THOC2: variants seen among roughly 807,000 people sequenced by gnomAD.
THOC2 encodes the protein THO complex subunit 2.
THOC2 carries 10 observed loss-of-function variants against 128.4 expected under a neutral mutation model. The ratio of observed to expected loss-of-function variants is 0.08; its 90% confidence interval spans 0.05 to 0.13. The LOEUF is 0.13. Among genes scored for constraint, THOC2 ranks in the 10% least tolerant of loss-of-function variants. THOC2 has a pLI of 1.00. For missense variants in THOC2, 535 were observed against 1,155.7 expected, an observed-to-expected ratio of 0.46 and a Z score of 7.79; for synonymous variants, 393 against 396.9, an observed-to-expected ratio of 0.99 and a Z score of 0.12.
chrX:123,693,153 C>T (rs2050298691), intron 7 of THOC2, among the ~76,000 whole-genome samples: 1 of 112,388 alleles, frequency 8.9e-6, no homozygotes, highest in Non-Finnish European at 1.9e-5. Context: ...CCTCTATTTT[C>T]ACATCAATGA....
At chrX:123,697,639 A>T in intron 5 of THOC2, 42 bp downstream of exon 5, 1 of 679,826 alleles carries the variant, frequency 1.5e-6, no homozygotes, top group Non-Finnish European at 2.2e-6. Context: ...ACAACTGTTT[A>T]ATGCAGATTT....
chrX:123,708,510 C>G (rs1230612028), intron 2 of THOC2, among the ~76,000 whole-genome samples: 1 of 102,419 alleles, frequency 9.8e-6, no homozygotes, highest in Non-Finnish European at 2.0e-5. Context: ...GTTTTTTTGG[C>G]TTTTTTTTTT....
In THOC2 at chrX:123,626,083, A is replaced by G; in HGVS notation, c.2900-14T>C. On this transcript the variant is annotated splice_polypyrimidine_tract_variant and intron_variant, in intron 24 of 38. Transcript: ENST00000245838. ...TTTTGGTAGATTCTAAAAATAAAGG[A>G]AGAATATATTAAGTGGTAAACTTCT... 5 of 1,154,177 alleles carry G rather than the reference A, an allele frequency of 4.3e-6. No homozygotes were observed. The highest frequency in any genetic ancestry group is 5.9e-6 in the Non-Finnish European group (5 of 848,646).
chrX:123,617,675 A>G (rs925357918), intron 33 of THOC2, among the ~76,000 whole-genome samples: 4 of 111,921 alleles, frequency 3.6e-5, no homozygotes, highest in African/African-American at 1.3e-4. Flanking sequence ...GATAGTACAT[A>G]TATTCAAAAG....
At chrX:123,647,592 T>A (rs767452968) in intron 12 of THOC2, among the ~76,000 whole-genome samples, 2 of 110,668 alleles carry the variant, frequency 1.8e-5, no homozygotes, top group East Asian at 5.7e-4. Context: ...TCCAAGCACT[T>A]TGGGAAGCTG....
At chrX:123,631,663 C>T (rs779127848) in intron 22 of THOC2, 25 bp downstream of exon 22, 16 of 1,195,037 alleles carry the variant, frequency 1.3e-5, no homozygotes, top group Non-Finnish European at 1.7e-5. Context: ...CGTTCTTGAG[C>T]GGCAGCAAAG....
intron 38 of THOC2, among the ~76,000 whole-genome samples, chrX:123,607,343 A>T (rs1387612901): frequency 9.0e-6 from 1 of 111,488 alleles, no homozygotes; most frequent in Non-Finnish European, 1.9e-5. Context: ...TGGCATAATC[A>T]TGACTTACTG....
intron 38 of THOC2, chrX:123,603,050 T>C (rs746644785): frequency 1.8e-5 from 2 of 108,706 alleles, no homozygotes; most frequent in Admixed American, 9.9e-5. Context: ...TGATGTTATA[T>C]GAATTTTATC....
chrX:123,625,572 C>T lies in THOC2; in HGVS notation c.3057+340G>A, dbSNP rs1485799297. On this transcript the variant is annotated intron_variant, in intron 25 of 38. Coordinates refer to ENST00000245838, the MANE Select transcript of THOC2 (RefSeq NM_001081550.2). Reference sequence around the variant, plus strand: ...GTTAAGAATGGAGAAGAGAGTTCTACCTATTATGATACAACACGTAAACTC... The same window carrying T: ...GTTAAGAATGGAGAAGAGAGTTCTATCTATTATGATACAACACGTAAACTC... Among the ~76,000 whole-genome samples, 4 of 106,716 alleles carry T rather than the reference C, an allele frequency of 3.7e-5. No homozygotes were observed. In the East Asian group the frequency reaches 1.2e-3, roughly 31 times the overall value. 92.7% of individuals were successfully genotyped at this position (106,716 alleles called of 115,157 possible).
chrX:123,654,329 A>G (rs773259267), intron 12 of THOC2, among the ~76,000 whole-genome samples: 1 of 109,329 alleles, frequency 9.1e-6, no homozygotes, highest in African/African-American at 3.3e-5. Context: ...GGGTGCAGCA[A>G]ACCACCATGG....
chrX:123,637,219 C>T (rs977873133), intron 18 of THOC2, among the ~76,000 whole-genome samples: 1 of 111,775 alleles, frequency 8.9e-6, no homozygotes, highest in Non-Finnish European at 1.9e-5. Context: ...ACTTATTAAA[C>T]ATTTCGGACT....
intron 8 of THOC2, among the ~76,000 whole-genome samples, chrX:123,672,558 T>C (rs761063971): frequency 1.8e-5 from 2 of 112,180 alleles, no homozygotes; most frequent in East Asian, 5.6e-4. Context: ...CTTCCTTTAA[T>C]TTTATTTCTT....
intron 1 of THOC2, among the ~76,000 whole-genome samples, chrX:123,719,035 G>A (rs1425862363): frequency 9.2e-6 from 1 of 108,902 alleles, no homozygotes; most frequent in Non-Finnish European, 1.9e-5. Flanking sequence ...AAAATTAGTC[G>A]GGTGTGGTGG....
chrX:123,712,638 TATC>T (rs1242591384), intron 2 of THOC2, among the ~76,000 whole-genome samples: 3 of 112,366 alleles, frequency 2.7e-5, no homozygotes, highest in African/African-American at 9.7e-5. Context: ...AGCAATATCA[TATC>T]ATTATAATGC....
intron 33 of THOC2, among the ~76,000 whole-genome samples, chrX:123,616,008 G>A (rs995752522): frequency 5.4e-5 from 6 of 110,791 alleles, no homozygotes; most frequent in Admixed American, 2.9e-4. Flanking sequence ...GTAACCCAAT[G>A]CATTCTATGC....
intron 1 of THOC2, among the ~76,000 whole-genome samples, chrX:123,724,309 T>G (rs1287556990): frequency 8.9e-6 from 1 of 111,897 alleles, no homozygotes. Flanking sequence ...AGGGTAAGGT[T>G]ATTAAAAGTC....
chrX:123,709,223 T>G (rs1337397691), intron 2 of THOC2, among the ~76,000 whole-genome samples: 1 of 112,237 alleles, frequency 8.9e-6, no homozygotes, highest in Non-Finnish European at 1.9e-5. Context: ...ACTTACAACC[T>G]TATAGTTATC....
At chrX:123,620,791 T>A (rs1306261896) in intron 32 of THOC2, 116 bp downstream of exon 32, 4 of 660,729 alleles carry the variant, frequency 6.1e-6, no homozygotes, top group Non-Finnish European at 9.0e-6. Context: ...TAATGCAATA[T>A]AAAACCTCCA....
intron 23 of THOC2, among the ~76,000 whole-genome samples, chrX:123,627,288 T>C: frequency 9.0e-6 from 1 of 111,486 alleles, no homozygotes. Context: ...CTGTCTTTGC[T>C]GGAACCCTAT....
Sources: allele counts gnomAD v4.1 joint callset (sites outside exome capture counted in the v4.1 genomes callset), GRCh38; gene constraint gnomAD v4.1.1; transcripts MANE v1.5; gene names NCBI Gene and HGNC (gene_info 2026-07-23, HGNC 2026-07-21).